Variants in TRABD2B observed in about 807,000 individuals in gnomAD.
TRABD2B encodes the protein TraB domain containing 2B, also known as metalloprotease TIKI2.
A neutral mutation model predicts 40.1 loss-of-function variants in TRABD2B; 14 were observed. That is an observed-to-expected ratio of 0.35 (90% CI 0.23 to 0.55). TRABD2B has a LOEUF of 0.55. Among genes scored for constraint, TRABD2B ranks in the 20% least tolerant of loss-of-function variants. The pLI is 0.90. For missense variants in TRABD2B, 541 were observed against 648.6 expected (o/e 0.83, Z 1.80); for synonymous variants, 263 against 277.0 (o/e 0.95, Z 0.50).
rs1415919684 is a variant in TRABD2B, at chr1:47,801,143, T to C, written c.813+330A>G. Among the ~76,000 whole-genome samples, 4 of 152,188 alleles carry C rather than the reference T, an allele frequency of 2.6e-5. No individual in the cohort carries two copies. In the East Asian group the frequency reaches 7.7e-4, roughly 29 times the overall value. On this transcript the variant is annotated intron_variant, in intron 3 of 6. Transcript: ENST00000606738. ...CCAAGCTCTGAGTAACTGTGGGCTT[T>C]TCCTTCCCTGGAACTTAATTTCCCC...
At chr1:47,807,071 C>T (rs779539433) in intron 2 of TRABD2B, among the ~76,000 whole-genome samples, 4 of 152,192 alleles carry the variant, frequency 2.6e-5, no homozygotes, top group Admixed American at 6.5e-5. Context: ...TTACAGAGCT[C>T]ACCTGCTAGA....
chr1:47,932,652 T>A (rs1645054722), intron 2 of TRABD2B, among the ~76,000 whole-genome samples: 1 of 152,110 alleles, frequency 6.6e-6, no homozygotes, highest in African/African-American at 2.4e-5. Flanking sequence ...AGGAAGCAAG[T>A]GAACAAGCGG....
intron 2 of TRABD2B, among the ~76,000 whole-genome samples, chr1:47,880,933 C>T (rs1644294496): frequency 1.3e-5 from 2 of 152,200 alleles, no homozygotes; most frequent in African/African-American, 2.4e-5. Context: ...GCAGTGAGAA[C>T]AGCAATCCAG....
chr1:47,792,879 G>GGGT (rs1644694380), intron 4 of TRABD2B, among the ~76,000 whole-genome samples: 1 of 152,130 alleles, frequency 6.6e-6, no homozygotes, highest in African/African-American at 2.4e-5. Context: ...GGATGACTCA[G>GGGT]GGTGGTTCCC....
chr1:47,868,715 T>C (rs1644095819), intron 2 of TRABD2B, among the ~76,000 whole-genome samples: 1 of 152,094 alleles, frequency 6.6e-6, no homozygotes, highest in South Asian at 2.1e-4. Context: ...AAAATTATCT[T>C]CCACCAAACT....
chr1:47,901,951 G>A (rs1028329234), intron 2 of TRABD2B, among the ~76,000 whole-genome samples: 5 of 152,180 alleles, frequency 3.3e-5, no homozygotes, highest in African/African-American at 1.2e-4. Flanking sequence ...AGGAGCCACA[G>A]GGTGCCCTAG....
At chr1:47,872,533 T>C (rs1235110315) in intron 2 of TRABD2B, among the ~76,000 whole-genome samples, 1 of 152,098 alleles carries the variant, frequency 6.6e-6, no homozygotes, top group Non-Finnish European at 1.5e-5. Context: ...CCTCTCTGGC[T>C]TCAACTCCCC....
intron 2 of TRABD2B, among the ~76,000 whole-genome samples, chr1:47,894,988 C>A (rs902311826): frequency 1.3e-5 from 2 of 152,132 alleles, no homozygotes; most frequent in South Asian, 2.1e-4. Flanking sequence ...TCCTCCTCCA[C>A]CACCCCAGTC....
chr1:47,876,301 A>G (rs897363649), intron 2 of TRABD2B, among the ~76,000 whole-genome samples: 1 of 152,190 alleles, frequency 6.6e-6, no homozygotes, highest in Admixed American at 6.5e-5. Context: ...AAACCCGAAC[A>G]TAGAACAGTG....
chr1:47,986,184 A>C (rs986887548), intron 2 of TRABD2B, among the ~76,000 whole-genome samples: 30 of 152,358 alleles, frequency 2.0e-4, no homozygotes, highest in Non-Finnish European at 3.5e-4. Flanking sequence ...AAGGAAAAAA[A>C]CCCAAAATAT....
At chr1:47,871,864 G>A (rs544376420) in intron 2 of TRABD2B, among the ~76,000 whole-genome samples, 5 of 152,324 alleles carry the variant, frequency 3.3e-5, no homozygotes, top group Non-Finnish European at 7.4e-5. Flanking sequence ...TACAAACAAT[G>A]GCCAAATGGC....
intron 2 of TRABD2B, among the ~76,000 whole-genome samples, chr1:47,953,112 A>G (rs1052298668): frequency 6.6e-6 from 1 of 151,504 alleles, no homozygotes; most frequent in East Asian, 1.9e-4. Flanking sequence ...AGCTCCTGAC[A>G]GTGCATAATT....
At chr1:47,771,712 G>A (rs910840904) in intron 6 of TRABD2B, among the ~76,000 whole-genome samples, 9 of 152,226 alleles carry the variant, frequency 5.9e-5, no homozygotes, top group African/African-American at 2.2e-4. Flanking sequence ...AGCGGTGGGG[G>A]TTCCCCAAGA....
chr1:47,953,761 C>T (rs1645379060), intron 2 of TRABD2B, among the ~76,000 whole-genome samples: 1 of 152,198 alleles, frequency 6.6e-6, no homozygotes, highest in Non-Finnish European at 1.5e-5. Context: ...CTTCAGAAGA[C>T]ACTTAGGAAA....
chr1:47,867,687 G>C (rs1457690345), intron 2 of TRABD2B, among the ~76,000 whole-genome samples: 1 of 152,072 alleles, frequency 6.6e-6, no homozygotes, highest in Non-Finnish European at 1.5e-5. Flanking sequence ...GTCAGAACAG[G>C]ATGTTTAACT....
intron 2 of TRABD2B, among the ~76,000 whole-genome samples, chr1:47,861,692 A>G (rs1643974480): frequency 6.6e-6 from 1 of 152,206 alleles, no homozygotes; most frequent in Non-Finnish European, 1.5e-5. Context: ...AACATTTAGG[A>G]AAGAGATTAT....
Position 47,994,354 on chromosome 1 carries a change from C to A in TRABD2B, c.346G>T (p.Glu116Ter). ...TGGCGCTTCAAGCGCCAGTAAAGCT[C>A]GTGGGGCAGCACGTCCTGCAGGTTT... ...GENLQDVLPH[E>*]LYWRLKRHLD... The change falls in exon 2 of 7, where the codon GAG becomes TAG. Residue 116 changes from glutamate (E) to a stop codon, truncating the protein, a stop_gained. Coordinates refer to ENST00000606738, the MANE Select transcript of TRABD2B (RefSeq NM_001194986.2). LOFTEE classifies it high-confidence loss of function. This position sits in a 1 kb window ranked among gnomAD's most constrained non-coding sequence, Gnocchi z 6.7. 1 of 1,536,194 alleles carries A rather than the reference C, an allele frequency of 6.5e-7. No individual in the cohort carries two copies. Among genetic ancestry groups the A allele is most frequent in the Non-Finnish European group, 8.7e-7 (1 of 1,146,916 alleles).
intron 2 of TRABD2B, among the ~76,000 whole-genome samples, chr1:47,894,000 C>T (rs1279095697): frequency 6.6e-6 from 1 of 152,186 alleles, no homozygotes; most frequent in Non-Finnish European, 1.5e-5. Context: ...GTTGATTGTG[C>T]TCCTCCTTGA....
chr1:47,882,675 C>T (rs1379662754), intron 2 of TRABD2B, among the ~76,000 whole-genome samples: 1 of 152,100 alleles, frequency 6.6e-6, no homozygotes, highest in Non-Finnish European at 1.5e-5. Context: ...GGGTTTCAGT[C>T]CTGGCCTTAA....
Sources: allele counts gnomAD v4.1 joint callset (sites outside exome capture counted in the v4.1 genomes callset), GRCh38; gene constraint gnomAD v4.1.1; non-coding constraint Gnocchi (gnomAD v3.1); transcripts MANE v1.5; gene names NCBI Gene and HGNC (gene_info 2026-07-23, HGNC 2026-07-21).